Variants in CPA6 observed in about 807,000 individuals in gnomAD.
The protein encoded by CPA6 is carboxypeptidase A6.
In CPA6, 58 loss-of-function variants were observed where a neutral mutation model predicts 63.3. That is an observed-to-expected ratio of 0.92 (90% confidence interval 0.74 to 1.14). CPA6 has a LOEUF of 1.14. CPA6 is among the 50% of genes most tolerant of loss of function. CPA6 has a pLI of 0.00. For synonymous variants in CPA6, 185 were observed against 179.0 expected (o/e 1.03, Z -0.27); for missense variants, 565 against 526.6 (o/e 1.07, Z -0.71).
chr8:67,563,307 G>C (rs962603308), intron 2 of CPA6, among the ~76,000 whole-genome samples: 2 of 152,160 alleles, frequency 1.3e-5, no homozygotes, highest in African/African-American at 4.8e-5. Context: ...GCATTTGACT[G>C]ATGGTTCTGC....
At chr8:67,651,135 A>G (rs1484228538) in intron 1 of CPA6, among the ~76,000 whole-genome samples, 1 of 152,174 alleles carries the variant, frequency 6.6e-6, no homozygotes, top group Non-Finnish European at 1.5e-5. Context: ...CATGAAACTT[A>G]ATGGCTTTGT....
intron 2 of CPA6, among the ~76,000 whole-genome samples, chr8:67,526,621 G>A (rs1294798737): frequency 1.3e-5 from 2 of 152,074 alleles, no homozygotes; most frequent in African/African-American, 4.8e-5. Flanking sequence ...ACAGTTAATG[G>A]TATCACAGAG....
intron 1 of CPA6, among the ~76,000 whole-genome samples, chr8:67,742,412 C>T (rs1817930217): frequency 6.6e-6 from 1 of 152,096 alleles, no homozygotes; most frequent in East Asian, 1.9e-4. Context: ...GTGAGAAGTA[C>T]AGTGGTGGAG....
chr8:67,621,087 A>T (rs1418946440), intron 2 of CPA6, among the ~76,000 whole-genome samples: 1 of 152,216 alleles, frequency 6.6e-6, no homozygotes, highest in Non-Finnish European at 1.5e-5. Context: ...TTGAGTCTTT[A>T]ATGAATTTCC....
chr8:67,519,938 T>A (rs143187777), intron 2 of CPA6, among the ~76,000 whole-genome samples: 3 of 152,132 alleles, frequency 2.0e-5, no homozygotes, highest in Admixed American at 6.5e-5. Flanking sequence ...TATTTATTTT[T>A]ATTTTTTTGG....
intron 6 of CPA6, among the ~76,000 whole-genome samples, chr8:67,499,050 A>C (rs74651808): frequency 0.035 from 5,324 of 152,308 alleles, 305 homozygotes; most frequent in African/African-American, 0.12. Context: ...CAAAATAATA[A>C]AATAATGAAG....
At chr8:67,531,288 A>G (rs1325757251) in intron 2 of CPA6, among the ~76,000 whole-genome samples, 1 of 152,190 alleles carries the variant, frequency 6.6e-6, no homozygotes, top group African/African-American at 2.4e-5. Flanking sequence ...ATCAGTAAGC[A>G]CAGTAAATAA....
intron 1 of CPA6, among the ~76,000 whole-genome samples, chr8:67,708,980 GA>G: frequency 6.6e-6 from 1 of 152,150 alleles, no homozygotes; most frequent in East Asian, 1.9e-4. Flanking sequence ...CCAGAAGTTA[GA>G]AAACACCTGA....
intron 6 of CPA6, among the ~76,000 whole-genome samples, chr8:67,503,161 C>G (rs1237689188): frequency 6.6e-6 from 1 of 152,132 alleles, no homozygotes; most frequent in Non-Finnish European, 1.5e-5. Flanking sequence ...GCTTCAGCCT[C>G]CTGAGTAGCT....
chr8:67,650,792 T>C (rs1449960181), intron 1 of CPA6, among the ~76,000 whole-genome samples: 2 of 152,128 alleles, frequency 1.3e-5, no homozygotes, highest in Non-Finnish European at 2.9e-5. Flanking sequence ...CTTGTCGGAT[T>C]GTCTTTCACA....
chr8:67,650,416 C>T (rs1815810030), intron 1 of CPA6, among the ~76,000 whole-genome samples: 1 of 152,166 alleles, frequency 6.6e-6, no homozygotes, highest in Admixed American at 6.5e-5. Context: ...TTTAAGCAGG[C>T]TTCCCTTACT....
At chr8:67,595,694 G>T (rs1299882063) in intron 2 of CPA6, among the ~76,000 whole-genome samples, 1 of 152,202 alleles carries the variant, frequency 6.6e-6, no homozygotes, top group African/African-American at 2.4e-5. Flanking sequence ...AGCCAGGTGC[G>T]GGATATAATC....
In CPA6 at chr8:67,509,607, C is replaced by G. The variant is rs749285121; in HGVS notation, c.444G>C (p.Trp148Cys). ...VYHSLEEIQN[W>C]MHHLNKTHSG... ...AGTGAGTTTTATTCAGATGATGCAT[C>G]CAATTTTGAATCTAAGAGCAAATAA... is the stretch of plus-strand genomic sequence containing the variant. The change falls in exon 5 of 11, where the codon TGG (tryptophan) becomes TGC (cysteine). Residue 148 changes from tryptophan (W) to cysteine (C), a missense_variant. By Grantham distance (215) the Trp-to-Cys change is radical (BLOSUM62 -2). Coordinates refer to ENST00000297770, the MANE Select transcript of CPA6 (RefSeq NM_020361.5). 2.6e-6 allele frequency: 4 copies of G among 1,568,056 alleles called. No individual in the cohort carries two copies. Among genetic ancestry groups the G allele is most frequent in the South Asian group, 2.3e-5 (2 of 87,040 alleles).
intron 1 of CPA6, among the ~76,000 whole-genome samples, chr8:67,722,294 C>A (rs2129001910): frequency 6.6e-6 from 1 of 152,304 alleles, no homozygotes; most frequent in African/African-American, 2.4e-5. Flanking sequence ...GGATGAGATG[C>A]ATCAGAACCA....
chr8:67,675,059 T>A (rs1475493443), intron 1 of CPA6, among the ~76,000 whole-genome samples: 7 of 152,108 alleles, frequency 4.6e-5, no homozygotes, highest in African/African-American at 1.4e-4. Flanking sequence ...AAATTACCTG[T>A]ATCTATTAGG....
intron 1 of CPA6, among the ~76,000 whole-genome samples, chr8:67,705,634 C>A (rs1330807753): frequency 6.6e-6 from 1 of 152,134 alleles, no homozygotes; most frequent in African/African-American, 2.4e-5. Flanking sequence ...TTCACATGAT[C>A]TCTGAATTCA....
intron 1 of CPA6, among the ~76,000 whole-genome samples, chr8:67,640,840 C>T (rs1815575191): frequency 6.6e-6 from 1 of 151,630 alleles, no homozygotes; most frequent in South Asian, 2.1e-4. Flanking sequence ...CCTGGCCAAC[C>T]TCAAACGAGT....
intron 8 of CPA6, among the ~76,000 whole-genome samples, chr8:67,461,725 T>C (rs957862598): frequency 1.3e-5 from 2 of 151,774 alleles, no homozygotes; most frequent in African/African-American, 2.4e-5. Flanking sequence ...ATGGAGCGGC[T>C]GGCCGGGCAG....
intron 6 of CPA6, among the ~76,000 whole-genome samples, chr8:67,486,223 G>A (rs1181286351): frequency 6.6e-6 from 1 of 152,216 alleles, no homozygotes; most frequent in Non-Finnish European, 1.5e-5. Context: ...TTTTTAATAT[G>A]TTGGTTGGAT....
Sources: gnomAD v4.1 joint callset for allele counts (sites outside exome capture counted in the v4.1 genomes callset) on GRCh38, gnomAD v4.1.1 for gene constraint, MANE v1.5 for transcripts, NCBI Gene and HGNC (gene_info 2026-07-23, HGNC 2026-07-21) for gene names.